CLIC5: variants seen among roughly 807,000 people sequenced by gnomAD.
The protein encoded by CLIC5 is CLIC family member 5.
Under a neutral mutation model 24.7 loss-of-function variants are expected in CLIC5, and 20 were observed. That is an observed-to-expected ratio of 0.81 (90% CI 0.57 to 1.18). The LOEUF (loss-of-function observed/expected upper bound fraction) is 1.18, where lower values mean the gene tolerates loss of function less well. Ranked by LOEUF, CLIC5 falls within the 50% of genes most tolerant of loss-of-function variation. The pLI, the probability that CLIC5 is intolerant of heterozygous loss-of-function variation, is 0.00. For synonymous variants in CLIC5, 159 were observed against 135.6 expected (o/e 1.17, Z -1.20); for missense variants, 341 against 326.1 (o/e 1.05, Z -0.35).
At chr6:46,016,418 G>A (rs537426999), upstream of CLIC5, among the ~76,000 whole-genome samples, 272 of 152,130 alleles carry the variant, frequency 1.8e-3, 1 homozygote, top group African/African-American at 6.4e-3. Flanking sequence ...TGCTGGGGAC[G>A]GGCAGGGCAG....
chr6:46,046,468 G>C (rs920887465), intron 1 of CLIC5, among the ~76,000 whole-genome samples: 1 of 152,140 alleles, frequency 6.6e-6, no homozygotes, highest in African/African-American at 2.4e-5. Flanking sequence ...ATGGTCAAAA[G>C]TCTCTTTAAC....
the CLIC5 span, among the ~76,000 whole-genome samples, chr6:46,086,261 C>G: frequency 6.6e-6 from 1 of 152,328 alleles, no homozygotes; most frequent in Non-Finnish European, 1.5e-5. Context: ...GTGTCCTGTG[C>G]CCACTGTCTG....
intron 1 of CLIC5, among the ~76,000 whole-genome samples, chr6:46,001,268 A>G (rs1411565570): frequency 1.3e-5 from 2 of 151,940 alleles, no homozygotes; most frequent in Non-Finnish European, 2.9e-5. Flanking sequence ...CTGGGTGGAG[A>G]GCCTGGTGTC....
chr6:45,992,322 T>G (rs1002558894), intron 1 of CLIC5, among the ~76,000 whole-genome samples: 1 of 152,226 alleles, frequency 6.6e-6, no homozygotes, highest in South Asian at 2.1e-4. Flanking sequence ...CAGGCAGCCT[T>G]TCCAGAGAAT....
At chr6:46,129,270 A>C in the CLIC5 span, among the ~76,000 whole-genome samples, 1 of 152,204 alleles carries the variant, frequency 6.6e-6, no homozygotes, top group African/African-American at 2.4e-5. Context: ...CTCACTGCCA[A>C]GTGTGCCTGG....
intron 1 of CLIC5, among the ~76,000 whole-genome samples, chr6:45,962,332 A>G (rs1764874110): frequency 6.6e-6 from 1 of 151,950 alleles, no homozygotes; most frequent in Admixed American, 6.6e-5. Flanking sequence ...GCCCCGGGGA[A>G]GAGCCGCAGT....
At chr6:46,089,764 T>C in the CLIC5 span, among the ~76,000 whole-genome samples, 5 of 152,182 alleles carry the variant, frequency 3.3e-5, no homozygotes, top group African/African-American at 7.2e-5. Context: ...GAAAAAATAA[T>C]GTACGGGTAA....
chr6:46,016,829 A>C (rs1275591665), upstream of CLIC5, among the ~76,000 whole-genome samples: 2 of 152,058 alleles, frequency 1.3e-5, no homozygotes, highest in Non-Finnish European at 2.9e-5. Context: ...TTTTGCCTGG[A>C]ATGTTGGTGT....
chr6:46,062,493 A>G (rs1415068040), intron 1 of CLIC5, among the ~76,000 whole-genome samples: 1 of 152,238 alleles, frequency 6.6e-6, no homozygotes, highest in Non-Finnish European at 1.5e-5. Flanking sequence ...ACAGCCTCTG[A>G]CAGGCCCTGC....
intron 1 of CLIC5, among the ~76,000 whole-genome samples, chr6:46,065,048 T>G (rs1562032716): frequency 2.0e-5 from 3 of 152,314 alleles, no homozygotes; most frequent in Middle Eastern, 6.8e-3. Context: ...TTGTCTTGAC[T>G]ATATAAAGAG....
chr6:46,022,903 G>A (rs538121849), intron 1 of CLIC5, among the ~76,000 whole-genome samples: 5 of 152,204 alleles, frequency 3.3e-5, no homozygotes, highest in East Asian at 1.9e-4. Flanking sequence ...TATTCCTTCC[G>A]GGATTGAGTT....
At chr6:46,108,050 A>C in the CLIC5 span, among the ~76,000 whole-genome samples, 2 of 150,884 alleles carry the variant, frequency 1.3e-5, no homozygotes, top group Admixed American at 1.3e-4. Context: ...AAAAAAAAAA[A>C]AAAAAACCTC....
At chr6:45,976,492 C>T (rs182246569) in intron 1 of CLIC5, among the ~76,000 whole-genome samples, 2 of 152,196 alleles carry the variant, frequency 1.3e-5, no homozygotes. Context: ...TTTCTACTTT[C>T]AGAAAAGAAT....
the CLIC5 span, among the ~76,000 whole-genome samples, chr6:46,110,453 A>T: frequency 3.9e-5 from 6 of 152,216 alleles, no homozygotes; most frequent in Admixed American, 2.0e-4. Flanking sequence ...TTACTTGCAT[A>T]ATTTCAATAA....
At chr6:46,083,808 G>A (rs1260900702), upstream of CLIC5, among the ~76,000 whole-genome samples, 1 of 151,846 alleles carries the variant, frequency 6.6e-6, no homozygotes, top group African/African-American at 2.4e-5. Flanking sequence ...GTGCAGAGCT[G>A]AGTTCAATTC....
chr6:46,001,783 T>C (rs1323809195), intron 1 of CLIC5, among the ~76,000 whole-genome samples: 4 of 152,196 alleles, frequency 2.6e-5, no homozygotes, highest in Non-Finnish European at 5.9e-5. Context: ...GCAAAACACC[T>C]AACCTTTCTG....
chr6:46,031,771 AAAG>A (rs892878526), intron 1 of CLIC5, among the ~76,000 whole-genome samples: 3 of 151,790 alleles, frequency 2.0e-5, no homozygotes, highest in African/African-American at 7.2e-5. Context: ...AATGACATGA[AAAG>A]AAGCCCTTGA....
At chr6:45,969,542 G>A (rs959579603) in intron 1 of CLIC5, among the ~76,000 whole-genome samples, 2 of 148,068 alleles carry the variant, frequency 1.4e-5, no homozygotes, top group South Asian at 2.1e-4. Context: ...ATAGACGATC[G>A]GTAGGGATGG....
chr6:46,092,947 C>A, the CLIC5 span, among the ~76,000 whole-genome samples: 2 of 152,146 alleles, frequency 1.3e-5, no homozygotes, highest in African/African-American at 2.4e-5. Context: ...CTTTCAATTT[C>A]TCTTATTTAA....
Sources: gnomAD v4.1 joint callset for allele counts (sites outside exome capture counted in the v4.1 genomes callset) on GRCh38, gnomAD v4.1.1 for gene constraint, MANE v1.5 for transcripts, NCBI Gene and HGNC (gene_info 2026-07-23, HGNC 2026-07-21) for gene names.